Variants in PLCH1 observed in about 807,000 individuals in gnomAD.
The protein encoded by PLCH1 is phospholipase C eta 1.
A neutral mutation model predicts 126.7 loss-of-function variants in PLCH1; 60 were observed. The observed-to-expected ratio is 0.47, with a 90% CI of 0.38 to 0.59. The LOEUF is 0.59. Ranked by LOEUF, PLCH1 falls within the 20% of genes least tolerant of loss-of-function variation. The pLI is 0.00. For synonymous variants in PLCH1, 719 were observed against 734.9 expected (o/e 0.98, Z 0.35); for missense variants, 1,723 against 2,040.0 (o/e 0.84, Z 2.99).
chr3:155,728,256 C>G (rs942703156), intron 1 of PLCH1, among the ~76,000 whole-genome samples: 1 of 152,066 alleles, frequency 6.6e-6, no homozygotes, highest in Non-Finnish European at 1.5e-5. Context: ...ATATTCAGAG[C>G]CACAGATCCA....
chr3:155,690,892 G>A (rs534672156), intron 2 of PLCH1, among the ~76,000 whole-genome samples: 4 of 152,178 alleles, frequency 2.6e-5, no homozygotes, highest in South Asian at 4.2e-4. Flanking sequence ...TCCCTGGTGG[G>A]GCTGAGAGTC....
At chr3:155,641,654 T>A (rs888839815) in intron 2 of PLCH1, among the ~76,000 whole-genome samples, 3 of 152,228 alleles carry the variant, frequency 2.0e-5, no homozygotes, top group Non-Finnish European at 4.4e-5. Flanking sequence ...AGTACCCTGA[T>A]TTGATCATTA....
At chr3:155,675,170 T>C (rs774358225) in intron 2 of PLCH1, among the ~76,000 whole-genome samples, 2 of 152,164 alleles carry the variant, frequency 1.3e-5, no homozygotes, top group African/African-American at 2.4e-5. Flanking sequence ...AACCATAAAC[T>C]AGCAACAATC....
chr3:155,500,598 T>A, intron 14 of PLCH1, 105 bp downstream of exon 14: 2 of 721,646 alleles, frequency 2.8e-6, no homozygotes, highest in Non-Finnish European at 4.9e-6. Flanking sequence ...CAGAATACTT[T>A]CCTTGTGATC....
chr3:155,705,174 T>C (rs1404283204), intron 1 of PLCH1, among the ~76,000 whole-genome samples: 2 of 152,168 alleles, frequency 1.3e-5, no homozygotes, highest in East Asian at 3.8e-4. Flanking sequence ...CACCTAGAAT[T>C]TTGTAAACGT....
chr3:155,582,978 A>G (rs1730909433), intron 6 of PLCH1, among the ~76,000 whole-genome samples: 1 of 151,908 alleles, frequency 6.6e-6, no homozygotes, highest in Non-Finnish European at 1.5e-5. Context: ...ATGGCAATTT[A>G]CTATCAGAAT....
intron 6 of PLCH1, among the ~76,000 whole-genome samples, chr3:155,581,034 T>C (rs1730593465): frequency 6.6e-6 from 1 of 152,218 alleles, no homozygotes; most frequent in Non-Finnish European, 1.5e-5. Flanking sequence ...TATTTCAATC[T>C]CATTAATAGC....
At chr3:155,655,296 C>T (rs777509615) in intron 2 of PLCH1, among the ~76,000 whole-genome samples, 7 of 152,014 alleles carry the variant, frequency 4.6e-5, no homozygotes, top group African/African-American at 1.7e-4. Flanking sequence ...ATTAGCCGAG[C>T]ATGGTGGCAC....
intron 2 of PLCH1, among the ~76,000 whole-genome samples, chr3:155,644,262 T>C (rs1049988884): frequency 5.9e-5 from 9 of 152,172 alleles, no homozygotes; most frequent in Non-Finnish European, 1.3e-4. Context: ...AGCTATTTAA[T>C]CTCCAATTTG....
At chr3:155,578,942 A>G (rs1452722808) in intron 6 of PLCH1, among the ~76,000 whole-genome samples, 1 of 152,144 alleles carries the variant, frequency 6.6e-6, no homozygotes, top group African/African-American at 2.4e-5. Context: ...AGAGGAAAGG[A>G]GCAAAAGACA....
chr3:155,482,908 G>A lies in PLCH1; in HGVS notation c.3118C>T (p.His1040Tyr). The change falls in exon 23 of 23, where the codon CAC becomes TAC. Residue 1040 changes from histidine to tyrosine, a missense_variant. His to Tyr is a moderately conservative substitution (Grantham distance 83). Transcript: ENST00000460012. The stretch of plus-strand genomic sequence containing the variant: ...AGCTGTTCTCCTGTGACTGACATGT[G>A]GGCAGTAGATACAATGGTGTCCCCT... The part of the protein sequence containing the change: ...SQGDTIVSTA[H>Y]MSVTGEQLGM... 5.0e-6 allele frequency: 8 copies of A among 1,614,138 alleles called. No individual in the cohort carries two copies. The highest frequency in any genetic ancestry group is 6.8e-6 in the Non-Finnish European group (8 of 1,180,016).
At chr3:155,600,906 T>C (rs547010669) in intron 2 of PLCH1, among the ~76,000 whole-genome samples, 13 of 152,330 alleles carry the variant, frequency 8.5e-5, no homozygotes, top group Admixed American at 5.2e-4. Context: ...CCTAACTTTA[T>C]TACATAGCTA....
rs139713282 is a variant in PLCH1, at chr3:155,534,241, A to G, written c.1363-10237T>C. Among the ~76,000 whole-genome samples the G allele has an allele frequency of 2.9e-3, 446 of 152,322 alleles. 1 individual carries two copies. The highest frequency in any genetic ancestry group is 0.019 in the South Asian group (92 of 4,830). On this transcript the variant is annotated intron_variant, in intron 10 of 22. Coordinates refer to ENST00000460012, the MANE Select transcript of PLCH1 (RefSeq NM_014996.4). ...CCTGCAAAGCCACAGGAGTGGAGCC[A>G]CCCAAGACCATAGGAGCTCACCTCT... is the stretch of plus-strand genomic sequence containing the variant.
chr3:155,545,140 G>A (rs1299069202), intron 10 of PLCH1, among the ~76,000 whole-genome samples: 1 of 151,754 alleles, frequency 6.6e-6, no homozygotes, highest in African/African-American at 2.4e-5. Context: ...TAGACCGCTA[G>A]CAAGACTAAT....
intron 21 of PLCH1, among the ~76,000 whole-genome samples, chr3:155,460,687 C>T (rs1712677592): frequency 6.6e-6 from 1 of 152,094 alleles, no homozygotes; most frequent in South Asian, 2.1e-4. Context: ...GATGGCAATT[C>T]CCATTGTATC....
At chr3:155,453,959 T>C (rs1712376555) in intron 21 of PLCH1, among the ~76,000 whole-genome samples, 1 of 151,844 alleles carries the variant, frequency 6.6e-6, no homozygotes, top group African/African-American at 2.4e-5. Flanking sequence ...GGGAAAAAAA[T>C]TAAAATTGTA....
chr3:155,736,876 TTTTTA>T (rs1465069589), intron 1 of PLCH1, among the ~76,000 whole-genome samples: 2 of 150,656 alleles, frequency 1.3e-5, no homozygotes, highest in African/African-American at 2.5e-5. Context: ...TCTTTCTTTG[TTTTTA>T]TTTTTTCTTT....
At chr3:155,473,414 G>T (rs1229802743) in intron 21 of PLCH1, among the ~76,000 whole-genome samples, 3 of 152,016 alleles carry the variant, frequency 2.0e-5, no homozygotes, top group African/African-American at 4.8e-5. Flanking sequence ...TGCTGCTCAA[G>T]GAAATAAAAG....
At chr3:155,698,694 C>A (rs1364876696) in intron 2 of PLCH1, among the ~76,000 whole-genome samples, 1 of 152,168 alleles carries the variant, frequency 6.6e-6, no homozygotes, top group South Asian at 2.1e-4. Flanking sequence ...GAACAACTCA[C>A]CCAGAGTAAC....
Sources: gnomAD v4.1 joint callset for allele counts (sites outside exome capture counted in the v4.1 genomes callset) on GRCh38, gnomAD v4.1.1 for gene constraint, MANE v1.5 for transcripts, NCBI Gene and HGNC (gene_info 2026-07-23, HGNC 2026-07-21) for gene names.